DNAH12: variants seen among roughly 807,000 people sequenced by gnomAD.
DNAH12 encodes dynein axonemal heavy chain 12.
DNAH12 carries 285 observed loss-of-function variants against 371.5 expected under a neutral mutation model. The ratio of observed to expected loss-of-function variants is 0.77; its 90% CI spans 0.70 to 0.85. The LOEUF (loss-of-function observed/expected upper bound fraction) is 0.85. DNAH12 is among the 40% of genes least tolerant of loss of function. The probability of loss-of-function intolerance (pLI) is 0.00; values close to 1 mark genes in which losing one functional copy is unlikely to be tolerated. For synonymous variants in DNAH12, 1,200 were observed against 1,213.0 expected, an observed-to-expected ratio of 0.99 and a Z score of 0.22; for missense variants, 3,611 against 3,689.4, an observed-to-expected ratio of 0.98 and a Z score of 0.55.
upstream of DNAH12, among the ~76,000 whole-genome samples, chr3:57,546,667 A>C (rs2069580462): frequency 1.3e-5 from 2 of 152,188 alleles, no homozygotes; most frequent in Non-Finnish European, 2.9e-5. Flanking sequence ...GGTTAGGCTA[A>C]ATTAGAAGAA....
intron 30 of DNAH12, among the ~76,000 whole-genome samples, chr3:57,435,747 T>C (rs2153367072): frequency 6.6e-6 from 1 of 152,250 alleles, no homozygotes; most frequent in East Asian, 1.9e-4. Flanking sequence ...ACTTGAGCCC[T>C]GGAGTTTGAG....
At chr3:57,437,084 T>G (rs757316486) in intron 29 of DNAH12, 24 bp from the exon 30 acceptor site, 2 of 1,419,254 alleles carry the variant, frequency 1.4e-6, no homozygotes, top group South Asian at 1.4e-5. Context: ...AAGTAATGCA[T>G]TTCTACAACA....
At chr3:57,406,998 A>G (rs183208716) in intron 40 of DNAH12, among the ~76,000 whole-genome samples, 181 of 152,162 alleles carry the variant, frequency 1.2e-3, no homozygotes, top group African/African-American at 4.2e-3. Context: ...TCCTGGATTC[A>G]AGTGATTCTC....
chr3:57,309,084 A>G (rs2061533132), intron 69 of DNAH12, 67 bp downstream of exon 69: 3 of 1,289,992 alleles, frequency 2.3e-6, no homozygotes, highest in South Asian at 1.6e-5. Context: ...CTTCAACACT[A>G]TTTTATTTTT....
chr3:57,337,311 C>T (rs376986998), intron 60 of DNAH12, among the ~76,000 whole-genome samples: 226 of 151,188 alleles, frequency 1.5e-3, no homozygotes, highest in African/African-American at 4.8e-3. Context: ...AGCTCCAGAC[C>T]GGCCTGGGTC....
rs114075870 is a variant in DNAH12 at position 57,296,381 on chromosome 3, C to T, written c.11587G>A (p.Gly3863Arg). ...TSPEDGVYIH[G>R]LYLDGARWDR... is the part of the protein sequence containing the mutation. ...CAGCGTGCGCCATCGAGATACAGTC[C>T]GTGGATATAAACACCATCTTCTGGT... The change falls in exon 72 of 74, where the codon GGA becomes AGA. Residue 3863 changes from glycine (G) to arginine (R), a missense_variant. By Grantham distance (125) the Gly-to-Arg change is moderately radical. Transcript: ENST00000495027. 1.4e-4 allele frequency: 210 copies of T among 1,550,040 alleles called. No individual in the cohort carries two copies. The highest frequency in any genetic ancestry group is 1.7e-4 in the Non-Finnish European group (200 of 1,146,102).
chr3:57,301,628 A>G, intron 70 of DNAH12, 107 bp downstream of exon 70: 1 of 1,376,150 alleles, frequency 7.3e-7, no homozygotes, highest in East Asian at 2.5e-5. Flanking sequence ...AACCCAAAAA[A>G]TAAAATTTTA....
In DNAH12 at chr3:57,413,915, A is replaced by C. The variant is rs1317663092; in HGVS notation, c.5854-3T>G. 20 of 1,548,650 alleles carry C rather than the reference A, an allele frequency of 1.3e-5. No individual in the cohort carries two copies. The highest frequency in any genetic ancestry group is 1.7e-5 in the Non-Finnish European group (19 of 1,145,992). ...TCCAATCTAGCCATGATAATGTTCT[A>C]AAATATGAAGGAAGAATGGTATATT... is the stretch of plus-strand genomic sequence containing the variant. On this transcript the variant is annotated splice_region_variant and splice_polypyrimidine_tract_variant and intron_variant, in intron 38 of 73. Transcript: ENST00000495027.
At chr3:57,366,544 C>T (rs1163892036) in intron 57 of DNAH12, among the ~76,000 whole-genome samples, 185 bp downstream of exon 57, 2 of 152,222 alleles carry the variant, frequency 1.3e-5, no homozygotes, top group East Asian at 3.9e-4. Context: ...ATACTAAAAG[C>T]CCAATATAAC....
chr3:57,448,254 C>T (rs1486578063), intron 25 of DNAH12, among the ~76,000 whole-genome samples: 1 of 152,046 alleles, frequency 6.6e-6, no homozygotes, highest in Non-Finnish European at 1.5e-5. Context: ...GGAGTTTCTT[C>T]CTTCTGGTGG....
intron 11 of DNAH12, among the ~76,000 whole-genome samples, chr3:57,490,540 T>A (rs531036625): frequency 6.6e-6 from 1 of 152,300 alleles, no homozygotes; most frequent in Non-Finnish European, 1.5e-5. Flanking sequence ...TTGACTTAAT[T>A]TCACAATCCA....
At chr3:57,367,848 G>C (rs1288101998) in intron 56 of DNAH12, among the ~76,000 whole-genome samples, 198 bp downstream of exon 56, 4 of 152,152 alleles carry the variant, frequency 2.6e-5, no homozygotes, top group Admixed American at 6.6e-5. Flanking sequence ...TGAAGAGAGG[G>C]CAAGGTATTT....
Position 57,323,606 on chromosome 3 carries a change from A to G in DNAH12, c.9992T>C (p.Ile3331Thr), listed in dbSNP as rs977335408. 1 of 1,544,422 alleles carries G rather than the reference A, an allele frequency of 6.5e-7. No individual in the cohort carries two copies. The highest frequency in any genetic ancestry group is 8.7e-7 in the Non-Finnish European group (1 of 1,145,114). The change falls in exon 63 of 74, where the codon ATA (isoleucine) becomes ACA (threonine). Residue 3331 changes from isoleucine (I) to threonine (T), a missense_variant. Physicochemically the swap from Ile to Thr is moderately conservative, Grantham distance 89. This residue lies in a region of DNAH12 where 2,266 missense variants were observed against 2,236.9 expected (regional missense o/e 1.01). Transcript: ENST00000495027. Reference sequence around the variant, plus strand: ...TAGTTTGTCAGTTACATAGTTTGTTATAGCTGGGGTTATCTGTTGAAGAGA... The same window carrying G: ...TAGTTTGTCAGTTACATAGTTTGTTGTAGCTGGGGTTATCTGTTGAAGAGA... ...CLRPDKITPA[I>T]TNYVTDKLGK... is the part of the protein sequence containing the mutation.
intron 69 of DNAH12, among the ~76,000 whole-genome samples, chr3:57,306,066 C>T (rs2061463510): frequency 6.6e-6 from 1 of 152,174 alleles, no homozygotes; most frequent in African/African-American, 2.4e-5. Flanking sequence ...TTCAACTCAC[C>T]TGGCAGCCAC....
At chr3:57,501,504 C>T (rs2067544832) in intron 10 of DNAH12, 92 bp from the exon 11 acceptor site, 3 of 805,162 alleles carry the variant, frequency 3.7e-6, no homozygotes, top group African/African-American at 1.8e-5. Flanking sequence ...GGGACCTACT[C>T]AATTAAATAT....
At chr3:57,335,263 C>T (rs1334267042) in intron 60 of DNAH12, among the ~76,000 whole-genome samples, 1 of 152,072 alleles carries the variant, frequency 6.6e-6, no homozygotes, top group Non-Finnish European at 1.5e-5. Context: ...TTGAGGAAAC[C>T]GGCATTAAGT....
chr3:57,461,826 T>C (rs2066063272), intron 18 of DNAH12, 137 bp from the exon 19 acceptor site: 2 of 703,740 alleles, frequency 2.8e-6, no homozygotes, highest in Non-Finnish European at 4.6e-6. Context: ...GAGTACAGTA[T>C]AACTTTTTAA....
chr3:57,432,839 T>C (rs2064997127), intron 32 of DNAH12, among the ~76,000 whole-genome samples: 1 of 152,116 alleles, frequency 6.6e-6, no homozygotes, highest in Non-Finnish European at 1.5e-5. Context: ...ATTATGTGAG[T>C]ATACAAACAC....
At chr3:57,335,457 C>T (rs575206961) in intron 60 of DNAH12, among the ~76,000 whole-genome samples, 6 of 152,296 alleles carry the variant, frequency 3.9e-5, no homozygotes, top group Admixed American at 2.6e-4. Context: ...TTCTTAGTCA[C>T]GCATTCTAAG....
Sources: allele counts gnomAD v4.1 joint callset (sites outside exome capture counted in the v4.1 genomes callset), GRCh38; gene constraint gnomAD v4.1.1; regional missense constraint gnomAD v4.1.1; transcripts MANE v1.5; gene names NCBI Gene and HGNC (gene_info 2026-07-23, HGNC 2026-07-21).